Variants in EMID1 observed in about 807,000 individuals in gnomAD.
EMID1 encodes the protein EMI domain-containing protein 1.
EMID1 carries 40 observed loss-of-function variants against 60.6 expected under a neutral mutation model. That is an observed-to-expected ratio of 0.66 (90% CI 0.51 to 0.86). EMID1 has a LOEUF of 0.86. Ranked by LOEUF, EMID1 falls within the 40% of genes least tolerant of loss-of-function variation. The pLI, the probability that EMID1 is intolerant of heterozygous loss-of-function variation, is 0.00. For synonymous variants in EMID1, 242 were observed against 231.0 expected (o/e 1.05, Z -0.43); for missense variants, 585 against 597.1 (o/e 0.98, Z 0.21).
intron 12 of EMID1, among the ~76,000 whole-genome samples, chr22:29,237,784 G>A (rs2041008371): frequency 7.4e-6 from 1 of 134,744 alleles, no homozygotes; most frequent in Admixed American, 7.4e-5. Flanking sequence ...CTGGGCAACA[G>A]AGCGAGACTC....
At chr22:29,244,797 C>T (rs1056964456) in intron 13 of EMID1, among the ~76,000 whole-genome samples, 8 of 152,188 alleles carry the variant, frequency 5.3e-5, no homozygotes, top group South Asian at 2.1e-4. Context: ...AAAAGCCCCA[C>T]GACACAGGGA....
chr22:29,255,981 G>A (rs994005337), intron 14 of EMID1, among the ~76,000 whole-genome samples: 2 of 152,274 alleles, frequency 1.3e-5, no homozygotes, highest in South Asian at 2.1e-4. Flanking sequence ...CCCTCCTTGC[G>A]TCTGGCTCCT....
intron 14 of EMID1, 118 bp downstream of exon 14, chr22:29,254,405 C>G: frequency 3.1e-6 from 3 of 975,512 alleles, no homozygotes; most frequent in Non-Finnish European, 4.9e-6. Context: ...GGTGCCTGCC[C>G]CAGGCAAGCA....
chr22:29,239,383 A>G (rs1330800722), intron 12 of EMID1, among the ~76,000 whole-genome samples: 1 of 111,602 alleles, frequency 9.0e-6, no homozygotes, highest in Non-Finnish European at 1.8e-5. Context: ...TACCCACCTC[A>G]GCCTCCCAAA....
At chr22:29,236,120 A>G (rs1271610926) in intron 12 of EMID1, among the ~76,000 whole-genome samples, 1 of 152,204 alleles carries the variant, frequency 6.6e-6, no homozygotes, top group East Asian at 1.9e-4. Flanking sequence ...GAGGCCCAGC[A>G]TAGTGGCCCA....
chr22:29,213,476 A>G (rs995645757), intron 1 of EMID1, among the ~76,000 whole-genome samples: 1 of 152,178 alleles, frequency 6.6e-6, no homozygotes, highest in Non-Finnish European at 1.5e-5. Context: ...TGTGGCACAG[A>G]AAGATGAAGG....
At chr22:29,215,694 C>T in intron 3 of EMID1, 64 bp downstream of exon 3, 1 of 1,313,576 alleles carries the variant, frequency 7.6e-7, no homozygotes, top group Non-Finnish European at 1.1e-6. Context: ...CCTGCAGGTG[C>T]ATGGAGCCGT....
In EMID1 at chr22:29,228,713, A is replaced by C. The variant is rs553040451; in HGVS notation, c.465+2162A>C. Among the ~76,000 whole-genome samples, 6 of 152,006 alleles carry C rather than the reference A, an allele frequency of 3.9e-5. No individual in the cohort carries two copies. The South Asian group carries it at 1.2e-3, about 32-fold the overall frequency. ...GGGCTCAAGCTATCCTCCTGCCCCA[A>C]CCTCCTGAGTAGCTGGCATTACGGA... On this transcript the variant is annotated intron_variant, in intron 5 of 14. Transcript: ENST00000334018.
intron 12 of EMID1, among the ~76,000 whole-genome samples, chr22:29,241,043 T>C (rs1461326146): frequency 1.3e-5 from 2 of 152,186 alleles, no homozygotes; most frequent in Non-Finnish European, 2.9e-5. Context: ...TTCTCTGATA[T>C]TCACTGTGAG....
At chr22:29,242,439 T>C (rs543710475) in intron 12 of EMID1, among the ~76,000 whole-genome samples, 1 of 152,380 alleles carries the variant, frequency 6.6e-6, no homozygotes, top group African/African-American at 2.4e-5. Flanking sequence ...TTTCAGTAGA[T>C]TCTTTAACAT....
chr22:29,257,183 G>C (rs2041734911), intron 14 of EMID1, among the ~76,000 whole-genome samples: 1 of 152,170 alleles, frequency 6.6e-6, no homozygotes, highest in Non-Finnish European at 1.5e-5. Flanking sequence ...AGCCAGCTTG[G>C]GTCGGGGCTT....
chr22:29,254,440 C>G (rs536754124), intron 14 of EMID1, 153 bp downstream of exon 14: 1 of 706,362 alleles, frequency 1.4e-6, no homozygotes, highest in South Asian at 1.7e-5. Context: ...CACAACCACC[C>G]TTCCCTCAAT....
chr22:29,229,949 C>T (rs1043713024), intron 5 of EMID1, among the ~76,000 whole-genome samples: 8 of 152,202 alleles, frequency 5.3e-5, no homozygotes, highest in African/African-American at 1.9e-4. Context: ...TCCAGCTTCC[C>T]AGAGTCTTCC....
chr22:29,227,943 G>T (rs893392109), intron 5 of EMID1, among the ~76,000 whole-genome samples: 1 of 151,816 alleles, frequency 6.6e-6, no homozygotes, highest in Non-Finnish European at 1.5e-5. Context: ...ATCACCTGAG[G>T]TCAAGAGTTC....
At chr22:29,247,948 CTTT>C (rs34056530) in intron 13 of EMID1, among the ~76,000 whole-genome samples, 5 of 139,694 alleles carry the variant, frequency 3.6e-5, no homozygotes, top group East Asian at 2.1e-4. Flanking sequence ...TTTTTTTTTA[CTTT>C]TTTTTTTTTT....
intron 14 of EMID1, among the ~76,000 whole-genome samples, 160 bp from the exon 15 acceptor site, chr22:29,258,657 A>G (rs2041795535): frequency 6.6e-6 from 1 of 152,122 alleles, no homozygotes; most frequent in East Asian, 1.9e-4. Flanking sequence ...GCACCAACCA[A>G]TCTGCAGACC....
chr22:29,235,377 T>A (rs973997125), intron 12 of EMID1, among the ~76,000 whole-genome samples: 1 of 151,280 alleles, frequency 6.6e-6, no homozygotes, highest in African/African-American at 2.4e-5. Flanking sequence ...AAGTGCATCA[T>A]ATGACTTGGG....
At chr22:29,212,902 G>C (rs540595900) in intron 1 of EMID1, among the ~76,000 whole-genome samples, 1 of 152,274 alleles carries the variant, frequency 6.6e-6, no homozygotes, top group South Asian at 2.1e-4. Context: ...GAATTTAACT[G>C]AGCGAACACG....
At chr22:29,255,208 G>GGCCC (rs2041659300) in intron 14 of EMID1, 25 of 815,172 alleles carry the variant, frequency 3.1e-5, no homozygotes, top group Non-Finnish European at 4.4e-5. Flanking sequence ...TCCCCGCTTG[G>GGCCC]CTCCCCAGCC....
Sources: gnomAD v4.1 joint callset for allele counts (sites outside exome capture counted in the v4.1 genomes callset) on GRCh38, gnomAD v4.1.1 for gene constraint, MANE v1.5 for transcripts, NCBI Gene and HGNC (gene_info 2026-07-23, HGNC 2026-07-21) for gene names.